The following PTPRK variants were observed in gnomAD, a reference collection of about 807,000 sequenced individuals.
PTPRK encodes receptor-type tyrosine-protein phosphatase kappa.
PTPRK carries 75 observed loss-of-function variants against 178.0 expected under a neutral mutation model. That is an observed-to-expected ratio of 0.42 (90% confidence interval 0.35 to 0.51). The LOEUF (loss-of-function observed/expected upper bound fraction) is 0.51, where lower values mean the gene tolerates loss of function less well. Among genes scored for constraint, PTPRK ranks in the 20% least tolerant of loss-of-function variants. The pLI is 0.02. For missense variants in PTPRK, 1,441 were observed against 1,797.8 expected (o/e 0.80, Z 3.59); for synonymous variants, 637 against 620.6 (o/e 1.03, Z -0.39).
At chr6:128,327,988 G>T (rs1829791897) in intron 2 of PTPRK, among the ~76,000 whole-genome samples, 1 of 152,160 alleles carries the variant, frequency 6.6e-6, no homozygotes, top group South Asian at 2.1e-4. Flanking sequence ...CAGCAGAGTG[G>T]CATGAGGCCT....
At chr6:128,260,460 T>C (rs1818013515) in intron 3 of PTPRK, among the ~76,000 whole-genome samples, 1 of 152,098 alleles carries the variant, frequency 6.6e-6, no homozygotes, top group East Asian at 1.9e-4. Flanking sequence ...ATATCTAGCA[T>C]AGCAAATGGC....
intron 12 of PTPRK, among the ~76,000 whole-genome samples, chr6:128,065,571 C>A (rs1011113567): frequency 2.4e-4 from 37 of 152,304 alleles, no homozygotes; most frequent in Non-Finnish European, 1.6e-4. Context: ...AGCCAGTGAA[C>A]AAACCAGAGG....
chr6:128,168,912 A>G (rs559705195), intron 7 of PTPRK, among the ~76,000 whole-genome samples: 41 of 152,234 alleles, frequency 2.7e-4, no homozygotes, highest in African/African-American at 9.9e-4. Context: ...AAAAAAGGCA[A>G]TCCTGACATT....
chr6:128,033,934 G>C (rs920262474), intron 13 of PTPRK, among the ~76,000 whole-genome samples: 9 of 151,952 alleles, frequency 5.9e-5, no homozygotes, highest in Non-Finnish European at 1.2e-4. Context: ...ACACAACATT[G>C]GGTTTGATTA....
rs1843891007 is a variant in PTPRK at position 128,424,631 on chromosome 6, T to C, written c.101-26943A>G. The stretch of plus-strand genomic sequence containing the variant: ...TCAGCATCTCCTTCGGCCCAAAGGC[T>C]GGAGGATACTCTTCTAGTGTCACTT... On this transcript the variant is annotated intron_variant, in intron 1 of 29. Transcript: ENST00000368226. 2.0e-5 allele frequency among the ~76,000 whole-genome samples: 3 copies of C among 152,176 alleles called. No individual in the cohort carries two copies. In the South Asian group the frequency reaches 6.2e-4, roughly 32 times the overall value.
chr6:128,133,800 G>A (rs1328845862), intron 7 of PTPRK, among the ~76,000 whole-genome samples: 2 of 150,076 alleles, frequency 1.3e-5, no homozygotes, highest in East Asian at 2.0e-4. Context: ...TGATCTTCTC[G>A]TCTTGCCTTC....
At chr6:128,337,172 A>C (rs1250601912) in intron 2 of PTPRK, among the ~76,000 whole-genome samples, 1 of 152,154 alleles carries the variant, frequency 6.6e-6, no homozygotes, top group Admixed American at 6.6e-5. Flanking sequence ...TTTAGTTAAT[A>C]AACAAATTTA....
chr6:128,008,048 A>G (rs1172656105), intron 14 of PTPRK: 1 of 1,345,654 alleles, frequency 7.4e-7, no homozygotes, highest in Non-Finnish European at 9.9e-7. Flanking sequence ...ATGCATACCT[A>G]ATGTTTCTAA....
chr6:128,035,179 C>G (rs1011300745), intron 13 of PTPRK, among the ~76,000 whole-genome samples: 1 of 152,090 alleles, frequency 6.6e-6, no homozygotes, highest in South Asian at 2.1e-4. Flanking sequence ...CCAGCCTGGC[C>G]AACATGTTGA....
rs1773668955 is a variant in PTPRK, at chr6:127,969,414, T to C, written c.*813A>G. ...ATTCACAAGCATGTACACAAGAGAA[T>C]CACTATAAAGAACATTGCTTCCTGG... On this transcript the variant is annotated 3_prime_UTR_variant, in exon 30 of 30. Transcript: ENST00000368226. 6.6e-6 allele frequency: 1 copy of C among 152,122 alleles called. No homozygotes were observed. The highest frequency in any genetic ancestry group is 6.6e-5 in the Admixed American group (1 of 15,260). The allele number at this position is 152,122 out of a possible 1,614,324, so 9.4% of individuals were successfully genotyped here.
At chr6:128,449,072 G>A (rs1392868655) in intron 1 of PTPRK, among the ~76,000 whole-genome samples, 1 of 152,002 alleles carries the variant, frequency 6.6e-6, no homozygotes, top group African/African-American at 2.4e-5. Context: ...ATGTTGGTCA[G>A]GCTGGTCTCA....
chr6:128,092,739 A>G (rs1787204825), intron 7 of PTPRK, among the ~76,000 whole-genome samples: 2 of 152,196 alleles, frequency 1.3e-5, no homozygotes, highest in African/African-American at 4.8e-5. Context: ...AAATCCATTC[A>G]AAGAAATTTT....
At chr6:128,155,422 TC>T (rs1169039046) in intron 7 of PTPRK, among the ~76,000 whole-genome samples, 1 of 151,722 alleles carries the variant, frequency 6.6e-6, no homozygotes, top group Non-Finnish European at 1.5e-5. Context: ...GCTTCACTCT[TC>T]AGCTATTTAG....
chr6:128,094,736 A>C (rs1162820513), intron 7 of PTPRK, among the ~76,000 whole-genome samples: 5 of 152,186 alleles, frequency 3.3e-5, no homozygotes, highest in African/African-American at 1.2e-4. Context: ...GAGCATTAAG[A>C]AGAGAAAGAG....
rs538764651 is a variant in PTPRK, at chr6:128,519,915, C to A, written c.100+344G>T. ...GGCAGACAGCAACAAACCCGCACCA[C>A]AAGCAACAGAGTGCCGTCACGGGAG... On this transcript the variant is annotated intron_variant, in intron 1 of 29. Transcript: ENST00000368226. This position sits in a 1 kb window ranked among gnomAD's most constrained non-coding sequence, Gnocchi z 4.3. Among the ~76,000 whole-genome samples the A allele has an allele frequency of 6.6e-6, 1 of 152,328 alleles. No individual in the cohort carries two copies.
At chr6:128,309,469 T>C (rs182427858) in intron 3 of PTPRK, among the ~76,000 whole-genome samples, 8 of 151,764 alleles carry the variant, frequency 5.3e-5, no homozygotes, top group Non-Finnish European at 8.8e-5. Flanking sequence ...GATGCAGGAG[T>C]CCTGGTCTGC....
At chr6:128,213,776 T>TTA in intron 6 of PTPRK, among the ~76,000 whole-genome samples, 1 of 152,186 alleles carries the variant, frequency 6.6e-6, no homozygotes, top group East Asian at 1.9e-4. Flanking sequence ...AGATTTAATT[T>TTA]TATGTACAAA....
intron 17 of PTPRK, 148 bp downstream of exon 17, chr6:127,996,753 G>A: frequency 9.6e-7 from 1 of 1,042,150 alleles, no homozygotes; most frequent in East Asian, 3.1e-5. Flanking sequence ...TTACAGGCAT[G>A]AGCCCTCAAG....
At chr6:128,167,065 C>T (rs1052394835) in intron 7 of PTPRK, among the ~76,000 whole-genome samples, 2 of 151,572 alleles carry the variant, frequency 1.3e-5, no homozygotes, top group Non-Finnish European at 3.0e-5. Flanking sequence ...ACAAAAAAAA[C>T]TCCCTCAAAA....
Sources: gnomAD v4.1 joint callset for allele counts (sites outside exome capture counted in the v4.1 genomes callset) on GRCh38, gnomAD v4.1.1 for gene constraint, Gnocchi (gnomAD v3.1) non-coding constraint, MANE v1.5 for transcripts, NCBI Gene and HGNC (gene_info 2026-07-23, HGNC 2026-07-21) for gene names.